The following HS6ST3 variants were observed in gnomAD, a reference collection of about 807,000 sequenced individuals.
HS6ST3 encodes heparan sulfate 6-O-sulfotransferase 3.
In HS6ST3, 12 loss-of-function variants were observed where a neutral mutation model predicts 36.7. That is an observed-to-expected ratio of 0.33 (90% CI 0.21 to 0.53). The LOEUF is 0.53. Among genes scored for constraint, HS6ST3 ranks in the 20% least tolerant of loss-of-function variants. The pLI, the probability that HS6ST3 is intolerant of heterozygous loss-of-function variation, is 0.95. For synonymous variants in HS6ST3, 240 were observed against 257.5 expected, an observed-to-expected ratio of 0.93 and a Z score of 0.65; for missense variants, 584 against 640.9, an observed-to-expected ratio of 0.91 and a Z score of 0.96.
In HS6ST3 at chr13:96,244,717, A is replaced by T. The variant is rs562257031; in HGVS notation, c.707+153148A>T. Among the ~76,000 whole-genome samples the T allele has an allele frequency of 1.2e-4, 18 of 152,346 alleles. No individual in the cohort carries two copies. The East Asian group carries it at 3.5e-3, about 29-fold the overall frequency. On this transcript the variant is annotated intron_variant, in intron 1 of 1. Transcript: ENST00000376705. The stretch of plus-strand genomic sequence containing the variant: ...GTTTTAAATTTATTACAGAAGAAAT[A>T]GAACTGAAATTTGACACCTCTGGTG...
intron 1 of HS6ST3, among the ~76,000 whole-genome samples, chr13:96,726,019 G>A (rs1214310016): frequency 6.6e-6 from 1 of 151,904 alleles, no homozygotes; most frequent in Non-Finnish European, 1.5e-5. Flanking sequence ...TGTATTTTAG[G>A]TAGAGACCGG....
intron 1 of HS6ST3, among the ~76,000 whole-genome samples, chr13:96,487,114 C>T (rs1282420303): frequency 6.6e-6 from 1 of 152,084 alleles, no homozygotes; most frequent in Non-Finnish European, 1.5e-5. Context: ...GGAAGTATCT[C>T]ACATCCACTG....
At chr13:96,275,383 C>G (rs1266763504) in intron 1 of HS6ST3, among the ~76,000 whole-genome samples, 1 of 152,164 alleles carries the variant, frequency 6.6e-6, no homozygotes, top group Non-Finnish European at 1.5e-5. Context: ...TGGGTGTTAT[C>G]ATGGGTTCAT....
intron 1 of HS6ST3, among the ~76,000 whole-genome samples, chr13:96,744,565 G>A (rs899982218): frequency 6.6e-5 from 10 of 152,084 alleles, no homozygotes; most frequent in Non-Finnish European, 1.3e-4. Flanking sequence ...GGTAAGAACC[G>A]TATGAATAAC....
chr13:96,589,750 C>A (rs1296011602), intron 1 of HS6ST3, among the ~76,000 whole-genome samples: 1 of 151,976 alleles, frequency 6.6e-6, no homozygotes, highest in Non-Finnish European at 1.5e-5. Context: ...ACTATAGTCA[C>A]CCTGTTGTGT....
intron 1 of HS6ST3, chr13:96,574,307 G>A (rs754519060): frequency 6.0e-5 from 23 of 380,586 alleles, no homozygotes; most frequent in South Asian, 2.4e-4. Flanking sequence ...CAAACGTACC[G>A]CCTCATTTTC....
At position 96,614,315 on chromosome 13, in the gene HS6ST3, A is replaced by T. The variant is rs948586324; in HGVS notation, c.708-218175A>T. ...TCCATCTCAAAAAAAAAAAAAAAAA[A>T]AAAAAAAAAAAAACAGTTATTACCA... On this transcript the variant is annotated intron_variant, in intron 1 of 1. Coordinates refer to ENST00000376705, the MANE Select transcript of HS6ST3 (RefSeq NM_153456.4). Among the ~76,000 whole-genome samples the T allele has an allele frequency of 3.9e-3, 584 of 148,492 alleles. 11 individuals carry two copies. Among genetic ancestry groups the T allele is most frequent in the African/African-American group, 7.9e-3 (315 of 39,642 alleles).
chr13:96,119,570 TAAA>T (rs943285342), intron 1 of HS6ST3, among the ~76,000 whole-genome samples: 1 of 152,096 alleles, frequency 6.6e-6, no homozygotes, highest in Non-Finnish European at 1.5e-5. Flanking sequence ...TTGAGATAAA[TAAA>T]AAATGCCTGA....
chr13:96,405,020 G>C (rs2055470527), intron 1 of HS6ST3, among the ~76,000 whole-genome samples: 1 of 152,158 alleles, frequency 6.6e-6, no homozygotes, highest in Admixed American at 6.5e-5. Flanking sequence ...TCCGCATTAA[G>C]ATGTGACTTT....
chr13:96,582,338 A>C (rs1309087561), intron 1 of HS6ST3, among the ~76,000 whole-genome samples: 1 of 152,090 alleles, frequency 6.6e-6, no homozygotes, highest in African/African-American at 2.4e-5. Flanking sequence ...AGATCTACAC[A>C]AAAGTGGATC....
At chr13:96,109,314 A>G (rs2053857300) in intron 1 of HS6ST3, among the ~76,000 whole-genome samples, 1 of 152,116 alleles carries the variant, frequency 6.6e-6, no homozygotes, top group Non-Finnish European at 1.5e-5. Flanking sequence ...AGCAGATCGT[A>G]TGTCAGTGTG....
At chr13:96,317,070 G>C in intron 1 of HS6ST3, among the ~76,000 whole-genome samples, 1 of 151,816 alleles carries the variant, frequency 6.6e-6, no homozygotes, top group Non-Finnish European at 1.5e-5. Flanking sequence ...CACCCAGGTA[G>C]TGAGCATCAT....
intron 1 of HS6ST3, among the ~76,000 whole-genome samples, chr13:96,158,544 T>A (rs1048301146): frequency 4.1e-5 from 6 of 147,082 alleles, no homozygotes; most frequent in Non-Finnish European, 7.4e-5. Context: ...TCCCAGCTAC[T>A]CGGGAGGCTG....
intron 1 of HS6ST3, among the ~76,000 whole-genome samples, chr13:96,193,288 A>G (rs2054297409): frequency 6.6e-6 from 1 of 152,200 alleles, no homozygotes; most frequent in Non-Finnish European, 1.5e-5. Context: ...AAGCCGAACG[A>G]AATAGGAAGG....
At chr13:96,315,919 GA>G (rs2054966630) in intron 1 of HS6ST3, among the ~76,000 whole-genome samples, 1 of 152,180 alleles carries the variant, frequency 6.6e-6, no homozygotes, top group Non-Finnish European at 1.5e-5. Context: ...TAAGAAAAAT[GA>G]GAGTTGACAC....
intron 1 of HS6ST3, among the ~76,000 whole-genome samples, chr13:96,369,354 C>T (rs913234608): frequency 1.3e-5 from 2 of 152,118 alleles, no homozygotes; most frequent in Non-Finnish European, 2.9e-5. Flanking sequence ...GGATCACCCC[C>T]TCTTTCCTCA....
intron 1 of HS6ST3, among the ~76,000 whole-genome samples, chr13:96,419,086 G>A (rs1447679614): frequency 2.6e-5 from 4 of 152,176 alleles, no homozygotes; most frequent in Non-Finnish European, 4.4e-5. Flanking sequence ...TTGAATAGGC[G>A]GATGCCTAAA....
intron 1 of HS6ST3, among the ~76,000 whole-genome samples, chr13:96,671,637 C>T (rs1375425114): frequency 6.6e-6 from 1 of 152,052 alleles, no homozygotes; most frequent in Non-Finnish European, 1.5e-5. Flanking sequence ...CCAGGCCCCT[C>T]TCCTTGACTT....
At chr13:96,165,815 G>A (rs921928190) in intron 1 of HS6ST3, among the ~76,000 whole-genome samples, 2 of 152,092 alleles carry the variant, frequency 1.3e-5, no homozygotes, top group African/African-American at 4.8e-5. Context: ...TGAAGAATAC[G>A]GTCCTCCCTT....
Sources: allele counts gnomAD v4.1 joint callset (sites outside exome capture counted in the v4.1 genomes callset), GRCh38; gene constraint gnomAD v4.1.1; transcripts MANE v1.5; gene names NCBI Gene and HGNC (gene_info 2026-07-23, HGNC 2026-07-21).